Variants in LAMA1 observed in about 807,000 individuals in gnomAD.
LAMA1 encodes the protein laminin subunit alpha-1.
A neutral mutation model predicts 348.7 loss-of-function variants in LAMA1; 219 were observed. The observed-to-expected ratio is 0.63, with a 90% CI of 0.56 to 0.70. LAMA1 has a LOEUF of 0.70. LAMA1 is among the 30% of genes least tolerant of loss of function. The probability of loss-of-function intolerance (pLI) is 0.00; values close to 1 mark genes in which losing one functional copy is unlikely to be tolerated. For missense variants in LAMA1, 3,744 were observed against 3,888.0 expected (o/e 0.96, Z 0.99); for synonymous variants, 1,487 against 1,491.0 (o/e 1.00, Z 0.06).
At chr18:7,088,253 G>A (rs1261194854) in intron 1 of LAMA1, among the ~76,000 whole-genome samples, 1 of 151,994 alleles carries the variant, frequency 6.6e-6, no homozygotes, top group Admixed American at 6.6e-5. Context: ...CGTCCTCCCT[G>A]CCCTTTTCTC....
intron 1 of LAMA1, among the ~76,000 whole-genome samples, chr18:7,093,289 G>A (rs552796710): frequency 5.9e-5 from 9 of 152,162 alleles, no homozygotes; most frequent in Admixed American, 2.6e-4. Context: ...GGTGGCGGGC[G>A]CCTGTGGTCC....
intron 19 of LAMA1, 148 bp downstream of exon 19, chr18:7,023,016 A>G (rs1400616876): frequency 5.9e-6 from 5 of 843,752 alleles, no homozygotes; most frequent in Non-Finnish European, 9.3e-6. Context: ...GTGGGTCTGT[A>G]TTTGATCAGA....
At chr18:6,966,408 A>C (rs1199610724) in intron 48 of LAMA1, 111 bp from the exon 49 acceptor site, 1 of 893,868 alleles carries the variant, frequency 1.1e-6, no homozygotes, top group Non-Finnish European at 1.8e-6. Context: ...TATTAGTTCC[A>C]TACTTTCATA....
At chr18:6,956,531 A>AGCTCCT (rs2057579239) in intron 56 of LAMA1, 105 bp downstream of exon 56, 2 of 1,400,220 alleles carry the variant, frequency 1.4e-6, no homozygotes, top group African/African-American at 3.1e-5. Context: ...CTCCAGCTCC[A>AGCTCCT]GCTTTCGCAG....
At chr18:7,069,460 G>T (rs989591381) in intron 3 of LAMA1, among the ~76,000 whole-genome samples, 12 of 152,154 alleles carry the variant, frequency 7.9e-5, no homozygotes, top group African/African-American at 2.9e-4. Context: ...TTTAAAACAG[G>T]CCTCAAATTC....
At chr18:6,996,912 T>C (rs1429959386) in intron 33 of LAMA1, among the ~76,000 whole-genome samples, 1 of 152,314 alleles carries the variant, frequency 6.6e-6, no homozygotes, top group East Asian at 1.9e-4. Context: ...CATAAAACTA[T>C]GATTTACTGC....
At chr18:7,017,102 T>G (rs2057892088) in intron 20 of LAMA1, among the ~76,000 whole-genome samples, 176 bp downstream of exon 20, 1 of 152,176 alleles carries the variant, frequency 6.6e-6, no homozygotes, top group African/African-American at 2.4e-5. Flanking sequence ...TCCCCAACCA[T>G]GCGAAACTGT....
chr18:6,979,003 T>C (rs1275970650), intron 42 of LAMA1, among the ~76,000 whole-genome samples: 1 of 152,154 alleles, frequency 6.6e-6, no homozygotes, highest in Non-Finnish European at 1.5e-5. Context: ...TAAAAGACAC[T>C]ATCATTCATT....
chr18:7,090,041 T>A (rs556770873), intron 1 of LAMA1, among the ~76,000 whole-genome samples: 1 of 152,206 alleles, frequency 6.6e-6, no homozygotes, highest in Non-Finnish European at 1.5e-5. Flanking sequence ...TTCTGAGCCA[T>A]CAGCAAGTGG....
At chr18:7,014,218 C>T (rs2057874944) in intron 22 of LAMA1, among the ~76,000 whole-genome samples, 167 bp from the exon 23 acceptor site, 1 of 152,224 alleles carries the variant, frequency 6.6e-6, no homozygotes, top group Non-Finnish European at 1.5e-5. Flanking sequence ...CAACAGGAGA[C>T]AGGCATTGTG....
intron 16 of LAMA1, among the ~76,000 whole-genome samples, chr18:7,026,951 G>A (rs1242294486): frequency 2.0e-5 from 3 of 149,698 alleles, no homozygotes; most frequent in Admixed American, 6.7e-5. Flanking sequence ...CTGAGATGGC[G>A]CCACTGCCTG....
intron 1 of LAMA1, among the ~76,000 whole-genome samples, chr18:7,081,978 C>T (rs572988221): frequency 6.6e-6 from 1 of 152,244 alleles, no homozygotes; most frequent in Non-Finnish European, 1.5e-5. Flanking sequence ...TTTTTAGGCA[C>T]TGCCTAATAC....
intron 19 of LAMA1, among the ~76,000 whole-genome samples, chr18:7,019,156 G>A (rs1227970285): frequency 6.6e-6 from 1 of 151,716 alleles, no homozygotes. Context: ...TTCGCATAGT[G>A]TCCTCCTGGC....
chr18:6,954,984 A>C (rs940738810), intron 57 of LAMA1: 2 of 351,644 alleles, frequency 5.7e-6, no homozygotes, highest in Non-Finnish European at 1.1e-5. Context: ...CCACAGTGTA[A>C]GAGTTTGGGT....
intron 1 of LAMA1, among the ~76,000 whole-genome samples, chr18:7,110,044 A>G (rs951865585): frequency 3.9e-5 from 6 of 152,154 alleles, no homozygotes; most frequent in East Asian, 1.9e-4. Context: ...AGCAGGGTGT[A>G]GTGGCGCGCA....
At chr18:7,089,142 GCTGAGGCAGGCGAATCA>G (rs1329361249) in intron 1 of LAMA1, among the ~76,000 whole-genome samples, 1 of 152,150 alleles carries the variant, frequency 6.6e-6, no homozygotes, top group Non-Finnish European at 1.5e-5. Flanking sequence ...ACGTTCGGAG[GCTGAGGCAGGCGAATCA>G]CTTGAGGTCA....
chr18:7,016,299 G>A (rs2057887436), intron 21 of LAMA1, among the ~76,000 whole-genome samples, 192 bp downstream of exon 21: 1 of 152,124 alleles, frequency 6.6e-6, no homozygotes, highest in Non-Finnish European at 1.5e-5. Context: ...ATTAGTAGGC[G>A]GCAGAGCCAT....
intron 19 of LAMA1, among the ~76,000 whole-genome samples, chr18:7,019,778 C>T (rs8084176): frequency 6.7e-6 from 1 of 149,540 alleles, no homozygotes; most frequent in South Asian, 2.1e-4. Context: ...GCCTCCCAGG[C>T]TCAAGTGATC....
At chr18:6,956,058 A>G (rs894733736) in intron 56 of LAMA1, 8 of 297,594 alleles carry the variant, frequency 2.7e-5, no homozygotes, top group Non-Finnish European at 5.2e-5. Context: ...GCACAGGCAG[A>G]TGCTACCATG....
Sources: allele counts gnomAD v4.1 joint callset (sites outside exome capture counted in the v4.1 genomes callset), GRCh38; gene constraint gnomAD v4.1.1; transcripts MANE v1.5; gene names NCBI Gene and HGNC (gene_info 2026-07-23, HGNC 2026-07-21).